Variants in FTCD observed in about 807,000 individuals in gnomAD.
FTCD encodes formimidoyltransferase cyclodeaminase.
A neutral mutation model predicts 62.9 loss-of-function variants in FTCD; 76 were observed. That is an observed-to-expected ratio of 1.21 (90% confidence interval 1.00 to 1.46). The LOEUF (loss-of-function observed/expected upper bound fraction) is 1.46. FTCD is among the 40% of genes most tolerant of loss of function. FTCD has a pLI of 0.00. For synonymous variants in FTCD, 397 were observed against 336.9 expected, an observed-to-expected ratio of 1.18 and a Z score of -1.95; for missense variants, 845 against 751.3, an observed-to-expected ratio of 1.12 and a Z score of -1.46.
Position 46,136,848 on chromosome 21 carries a change from C to T in FTCD, c.*139G>A, listed in dbSNP as rs2078877088. ...TTCTGTCCCTGCCAGCGCCTCCATT[C>T]CCAGGCGATGCCCCGCTGCCTGCCC... On this transcript the variant is annotated 3_prime_UTR_variant, in exon 14 of 14. Transcript: ENST00000397746. The T allele has an allele frequency of 4.5e-6, 7 of 1,552,378 alleles. No individual in the cohort carries two copies. The highest frequency in any genetic ancestry group is 1.4e-5 in the African/African-American group (1 of 73,254).
At chr21:46,150,096 C>T (rs752773821) in intron 7 of FTCD, 23 bp downstream of exon 7, 28 of 1,607,904 alleles carry the variant, frequency 1.7e-5, no homozygotes, top group Middle Eastern at 1.9e-4. Flanking sequence ...CCTGTCCGAC[C>T]CTTCCTCGGC....
At chr21:46,139,139 G>A (rs906715818) in intron 10 of FTCD, 4 of 603,636 alleles carry the variant, frequency 6.6e-6, no homozygotes, top group Non-Finnish European at 1.2e-5. Context: ...CAGATGGTCA[G>A]AGACCCGGGG....
rs2079144926 is a variant in FTCD at position 46,146,259 on chromosome 21, G to A, written c.968+7C>T. On this transcript the variant is annotated splice_region_variant and intron_variant, in intron 8 of 13. Transcript: ENST00000397746. ...GGTGAGAAGAGGGCGGGAGGGCAGA[G>A]GCTCACTCGATGATCCGCTCCTTAG... The A allele has an allele frequency of 1.9e-6, 3 of 1,588,250 alleles. No individual in the cohort carries two copies. The highest frequency in any genetic ancestry group is 1.3e-5 in the African/African-American group (1 of 74,408).
intron 3 of FTCD, 102 bp from the exon 4 acceptor site, chr21:46,152,082 T>C (rs1004688206): frequency 3.7e-6 from 3 of 807,776 alleles, no homozygotes; most frequent in Non-Finnish European, 6.0e-6. Flanking sequence ...AACCCAGGAA[T>C]GGGCCTCTAC....
In FTCD at chr21:46,138,452, C is replaced by T. The variant is rs908418845; in HGVS notation, c.1443+56G>A. On this transcript the variant is annotated intron_variant, in intron 12 of 13. Coordinates refer to ENST00000397746, the MANE Select transcript of FTCD (RefSeq NM_206965.2). ...ACCGTGCTCTCCAGCAACTCAGCCC[C>T]AACAGCTGCTTCCTGCTTTGCGGCA... is the stretch of plus-strand genomic sequence containing the variant. 2.6e-6 allele frequency: 4 copies of T among 1,526,854 alleles called. No individual in the cohort carries two copies. The African/African-American group carries it at 5.4e-5, about 21-fold the overall frequency. 94.6% of individuals were successfully genotyped at this position (1,526,854 alleles called of 1,614,324 possible). A position where few individuals can be genotyped will look rare whatever the true frequency, so the allele number is the denominator to read the frequency against.
In FTCD at chr21:46,152,870, C is replaced by T. The variant is rs375759812; in HGVS notation, c.367+37G>A. 1.3e-3 allele frequency: 1,656 copies of T among 1,235,586 alleles called. 1 individual carries two copies. The highest frequency in any genetic ancestry group is 3.7e-3 in the Middle Eastern group (18 of 4,912). 76.5% of individuals were successfully genotyped at this position (1,235,586 alleles called of 1,614,324 possible). A position where few individuals can be genotyped will look rare whatever the true frequency, so the allele number is the denominator to read the frequency against. ...GAGCCAATAACCCACACCAATGAGA[C>T]GGGAGCAGAGTGAGGGGGGCGGGGG... On this transcript the variant is annotated intron_variant, in intron 3 of 13. Transcript: ENST00000397746.
At chr21:46,155,373 C>T (rs2277819) in intron 1 of FTCD, 97 bp downstream of exon 1, 38 of 1,052,072 alleles carry the variant, frequency 3.6e-5, no homozygotes, top group East Asian at 2.5e-4. Flanking sequence ...GAAGACGACC[C>T]GGGACACCAA....
chr21:46,148,939 A>C (rs1460413358), intron 7 of FTCD, among the ~76,000 whole-genome samples: 1 of 152,222 alleles, frequency 6.6e-6, no homozygotes, highest in African/African-American at 2.4e-5. Context: ...TGATTTTGAT[A>C]ATTACACTGT....
Position 46,146,252 on chromosome 21 carries a change from G to C in FTCD, c.968+14C>G. 1 of 1,577,718 alleles carries C rather than the reference G, an allele frequency of 6.3e-7. No homozygotes were observed. ...CGGGAGGGGTGAGAAGAGGGCGGGA[G>C]GGCAGAGGCTCACTCGATGATCCGC... On this transcript the variant is annotated intron_variant, in intron 8 of 13. Coordinates refer to ENST00000397746, the MANE Select transcript of FTCD (RefSeq NM_206965.2).
chr21:46,137,898 C>T (rs772097355), intron 12 of FTCD, among the ~76,000 whole-genome samples: 48 of 152,300 alleles, frequency 3.2e-4, no homozygotes, highest in Non-Finnish European at 6.2e-4. Context: ...TGTGCTTTCT[C>T]GTGTTTTGTT....
chr21:46,139,001 T>C (rs2123484301), intron 10 of FTCD, 78 bp from the exon 11 acceptor site: 1 of 1,095,588 alleles, frequency 9.1e-7, no homozygotes, highest in Non-Finnish European at 1.4e-6. Context: ...CACAAGGGGC[T>C]GTAGCAAGGA....
chr21:46,137,384 C>G (rs1207100283), intron 12 of FTCD, 50 bp from the exon 13 acceptor site: 1 of 1,385,206 alleles, frequency 7.2e-7, no homozygotes, highest in Non-Finnish European at 1.0e-6. Flanking sequence ...GAGCAAACTG[C>G]CGGAAGGAGG....
Position 46,136,966 on chromosome 21 carries a change from C to A in FTCD, c.*21G>T, listed in dbSNP as rs368451297. 4 of 1,612,942 alleles carry A rather than the reference C, an allele frequency of 2.5e-6. No individual in the cohort carries two copies. The highest frequency in any genetic ancestry group is 3.3e-4 in the Middle Eastern group (2 of 6,056). On this transcript the variant is annotated 3_prime_UTR_variant, in exon 14 of 14. Transcript: ENST00000397746. ...ATGGGCGAGGGAGGGGCCACAGAGC[C>A]CGGAGAGGCCTCCCGCACCGTCACT... is the stretch of plus-strand genomic sequence containing the variant.
chr21:46,152,185 C>A, intron 3 of FTCD: 1 of 539,120 alleles, frequency 1.9e-6, no homozygotes, highest in East Asian at 3.0e-5. Flanking sequence ...CCCTGCCCAC[C>A]CCCTCCTCAG....
At chr21:46,139,147 G>T in intron 10 of FTCD, 1 of 598,526 alleles carries the variant, frequency 1.7e-6, no homozygotes, top group Non-Finnish European at 3.0e-6. Context: ...CAGAGACCCG[G>T]GGATGTGAGA....
At position 46,145,459 on chromosome 21, in the gene FTCD, G is replaced by A; in HGVS notation, c.1218C>T (p.Thr406=). The A allele has an allele frequency of 6.4e-7, 1 of 1,560,656 alleles. No individual in the cohort carries two copies. Residue 406 remains threonine (T), a synonymous_variant, in exon 10 of 14, where the codon ACC becomes ACT. Transcript: ENST00000397746. ...CCTCGGCGTCGGCATCCACCAGCGT[G>A]GTTAGCTTGGCCGAAGCCTCGCGGA... is the stretch of plus-strand genomic sequence containing the variant. ...PPFREASAKL[T]TLVDADAEAF...
chr21:46,152,336 A>C, intron 3 of FTCD: 1 of 256,152 alleles, frequency 3.9e-6, no homozygotes, highest in African/African-American at 2.2e-5. Flanking sequence ...AGAAGAGGAA[A>C]AACTCGTGAA....
intron 7 of FTCD, chr21:46,146,594 G>A: frequency 1.8e-6 from 1 of 570,870 alleles, no homozygotes; most frequent in South Asian, 2.1e-5. Context: ...GAGGCCCAGA[G>A]AAAGGAGTTG....
chr21:46,138,060 T>C (rs2078909882), intron 12 of FTCD, among the ~76,000 whole-genome samples: 1 of 151,940 alleles, frequency 6.6e-6, no homozygotes, highest in Admixed American at 6.6e-5. Flanking sequence ...GCCTGGCTCA[T>C]ATGTATCTAT....
Sources: gnomAD v4.1 joint callset for allele counts (sites outside exome capture counted in the v4.1 genomes callset) on GRCh38, gnomAD v4.1.1 for gene constraint, MANE v1.5 for transcripts, NCBI Gene and HGNC (gene_info 2026-07-23, HGNC 2026-07-21) for gene names.